XRCC4: variants seen among roughly 807,000 people sequenced by gnomAD.
XRCC4 encodes the protein DNA repair protein XRCC4.
Under a neutral mutation model 39.1 loss-of-function variants are expected in XRCC4, and 28 were observed. The observed-to-expected ratio is 0.72, with a 90% CI of 0.53 to 0.98. The LOEUF is 0.98. Ranked by LOEUF, XRCC4 falls within the 50% of genes least tolerant of loss-of-function variation. The pLI is 0.00. For missense variants in XRCC4, 350 were observed against 376.4 expected (o/e 0.93, Z 0.58); for synonymous variants, 123 against 126.4 (o/e 0.97, Z 0.18).
At chr5:83,079,122 C>T (rs28383128) in intron 1 of XRCC4, among the ~76,000 whole-genome samples, 1,657 of 152,306 alleles carry the variant, frequency 0.011, 24 homozygotes, top group African/African-American at 0.038. Flanking sequence ...GAAAGCTTAA[C>T]TTGTTAGAGA....
chr5:83,195,399 A>C (rs1750895629), intron 3 of XRCC4, among the ~76,000 whole-genome samples: 1 of 152,170 alleles, frequency 6.6e-6, no homozygotes. Flanking sequence ...ATGAACAGAA[A>C]TTAGAGTTAA....
At chr5:83,298,371 G>T (rs756393624) in intron 7 of XRCC4, among the ~76,000 whole-genome samples, 4 of 151,670 alleles carry the variant, frequency 2.6e-5, no homozygotes, top group Non-Finnish European at 4.4e-5. Context: ...AAGAAATTTG[G>T]TAAAATCACC....
At chr5:83,264,659 G>A (rs547277422) in intron 7 of XRCC4, among the ~76,000 whole-genome samples, 33 of 152,120 alleles carry the variant, frequency 2.2e-4, no homozygotes, top group African/African-American at 6.7e-4. Context: ...ACTCTGTGTC[G>A]TTGCAGATCC....
At chr5:83,120,911 T>G (rs886682706) in intron 3 of XRCC4, among the ~76,000 whole-genome samples, 1 of 152,144 alleles carries the variant, frequency 6.6e-6, no homozygotes, top group Non-Finnish European at 1.5e-5. Context: ...CCTGCCCAAA[T>G]TTTTTAGTAC....
At chr5:83,346,501 A>T (rs1365165448) in intron 7 of XRCC4, among the ~76,000 whole-genome samples, 1 of 152,216 alleles carries the variant, frequency 6.6e-6, no homozygotes, top group Non-Finnish European at 1.5e-5. Context: ...CGCTTTGTGA[A>T]CAAATTATGT....
Position 83,304,176 on chromosome 5 carries a change from CTTTTTTT to C in XRCC4, c.893+45514_893+45520del, listed in dbSNP as rs753535950. On this transcript the variant is annotated intron_variant, in intron 7 of 7. Coordinates refer to ENST00000396027, the MANE Select transcript of XRCC4 (RefSeq NM_003401.5). Reference sequence around the variant, plus strand: ...CCAAAATTACTGGGCTGTTAAACAACTTTTTTTTTTTTTTTTTTTTTGAGACGGAGTC... The same window carrying C: ...CCAAAATTACTGGGCTGTTAAACAACTTTTTTTTTTTTTTGAGACGGAGTC... Among the ~76,000 whole-genome samples the C allele has an allele frequency of 3.1e-3, 400 of 128,370 alleles. 2 individuals carry two copies. The highest frequency in any genetic ancestry group is 5.1e-3 in the Non-Finnish European group (311 of 60,938). 84.2% of individuals were successfully genotyped at this position (128,370 alleles called of 152,430 possible).
At chr5:83,167,764 A>G (rs1749549454) in intron 3 of XRCC4, among the ~76,000 whole-genome samples, 2 of 152,210 alleles carry the variant, frequency 1.3e-5, no homozygotes, top group South Asian at 4.1e-4. Flanking sequence ...ATGCTAAACT[A>G]TTCAGAAGCT....
intron 7 of XRCC4, among the ~76,000 whole-genome samples, chr5:83,279,495 A>G (rs1561451409): frequency 1.3e-5 from 2 of 152,224 alleles, no homozygotes; most frequent in African/African-American, 4.8e-5. Context: ...TACTTTAAAT[A>G]TGTGATGATT....
chr5:83,231,631 T>A (rs1388622655), intron 6 of XRCC4, among the ~76,000 whole-genome samples: 1 of 152,106 alleles, frequency 6.6e-6, no homozygotes, highest in East Asian at 1.9e-4. Context: ...ACCTAAGAGT[T>A]TATTTTAGCA....
intron 6 of XRCC4, among the ~76,000 whole-genome samples, chr5:83,254,389 C>T (rs1489790579): frequency 6.6e-6 from 1 of 152,148 alleles, no homozygotes; most frequent in East Asian, 1.9e-4. Context: ...GGCCACCCTC[C>T]TCCTCATTAC....
chr5:83,275,819 A>C (rs1754311754), intron 7 of XRCC4, among the ~76,000 whole-genome samples: 1 of 152,200 alleles, frequency 6.6e-6, no homozygotes, highest in African/African-American at 2.4e-5. Context: ...CAGCAAATGC[A>C]ATGAAAGTAA....
chr5:83,182,209 A>G (rs547958425), intron 3 of XRCC4, among the ~76,000 whole-genome samples: 3 of 152,150 alleles, frequency 2.0e-5, no homozygotes, highest in Admixed American at 1.3e-4. Context: ...GCTACTCAGC[A>G]TATTTAATAC....
chr5:83,112,917 G>A (rs920638707), intron 3 of XRCC4, among the ~76,000 whole-genome samples: 1 of 152,116 alleles, frequency 6.6e-6, no homozygotes, highest in African/African-American at 2.4e-5. Flanking sequence ...TGGAGACACA[G>A]CCAAACCATA....
At chr5:83,313,554 G>A (rs1010197812) in intron 7 of XRCC4, among the ~76,000 whole-genome samples, 2 of 152,034 alleles carry the variant, frequency 1.3e-5, no homozygotes, top group Admixed American at 6.6e-5. Context: ...TAGGCCTACT[G>A]TGGAGACATA....
chr5:83,135,981 A>G (rs892111619), intron 3 of XRCC4, among the ~76,000 whole-genome samples: 7 of 152,056 alleles, frequency 4.6e-5, no homozygotes, highest in Non-Finnish European at 1.0e-4. Flanking sequence ...TTGGTACAGT[A>G]TATTTGTATA....
At chr5:83,327,089 TA>T (rs1023473381) in intron 7 of XRCC4, among the ~76,000 whole-genome samples, 8 of 152,118 alleles carry the variant, frequency 5.3e-5, no homozygotes, top group African/African-American at 1.9e-4. Flanking sequence ...TAACATAAAG[TA>T]AAATTCATGC....
chr5:83,218,062 T>TATATATATATATATATATATATATATATA (rs1554065873), intron 6 of XRCC4, among the ~76,000 whole-genome samples: 7 of 147,540 alleles, frequency 4.7e-5, no homozygotes, highest in Admixed American at 1.3e-4. Context: ...TTTACCTTTT[T>TATATATATATATATATATATATATATATA]TATATATATA....
intron 7 of XRCC4, among the ~76,000 whole-genome samples, chr5:83,282,419 T>C (rs1307668600): frequency 2.0e-5 from 3 of 152,190 alleles, no homozygotes; most frequent in Non-Finnish European, 4.4e-5. Flanking sequence ...TAGGAGTGTG[T>C]TGATAACCAT....
chr5:83,125,449 C>T, intron 3 of XRCC4, among the ~76,000 whole-genome samples: 1 of 152,048 alleles, frequency 6.6e-6, no homozygotes, highest in African/African-American at 2.4e-5. Context: ...ATTTTGAATT[C>T]CTTTTTGTAT....
Sources: gnomAD v4.1 joint callset for allele counts (sites outside exome capture counted in the v4.1 genomes callset) on GRCh38, gnomAD v4.1.1 for gene constraint, MANE v1.5 for transcripts, NCBI Gene and HGNC (gene_info 2026-07-23, HGNC 2026-07-21) for gene names.